CSMD1: variants seen among roughly 807,000 people sequenced by gnomAD.
CSMD1 encodes CUB and sushi domain-containing protein 1.
A neutral mutation model predicts 417.5 loss-of-function variants in CSMD1; 213 were observed. The ratio of observed to expected loss-of-function variants is 0.51; its 90% confidence interval spans 0.46 to 0.57. CSMD1 has a LOEUF of 0.57. CSMD1 is among the 20% of genes least tolerant of loss of function. CSMD1 has a pLI of 0.00. For synonymous variants in CSMD1, 2,862 were observed against 1,736.8 expected (o/e 1.65, Z -16.11); for missense variants, 6,923 against 4,529.7 (o/e 1.53, Z -15.17).
chr8:4,289,048 T>C (rs1198925557), intron 3 of CSMD1, among the ~76,000 whole-genome samples: 1 of 152,148 alleles, frequency 6.6e-6, no homozygotes, highest in Non-Finnish European at 1.5e-5. Context: ...ATAATGAGCA[T>C]AAAAACAGTG....
At chr8:3,715,364 G>A (rs932201694) in intron 6 of CSMD1, among the ~76,000 whole-genome samples, 1 of 152,110 alleles carries the variant, frequency 6.6e-6, no homozygotes, top group Non-Finnish European at 1.5e-5. Flanking sequence ...CCATTTCACA[G>A]TCTAAAACCT....
intron 3 of CSMD1, among the ~76,000 whole-genome samples, chr8:4,117,720 G>C (rs921650581): frequency 3.9e-5 from 6 of 152,110 alleles, no homozygotes; most frequent in African/African-American, 1.2e-4. Flanking sequence ...TCATCACATA[G>C]CTTTTAGAGA....
intron 1 of CSMD1, among the ~76,000 whole-genome samples, chr8:4,678,550 C>G (rs1339024143): frequency 6.6e-6 from 1 of 152,082 alleles, no homozygotes; most frequent in Non-Finnish European, 1.5e-5. Context: ...AATAATTCTG[C>G]TTTTTGATGG....
chr8:4,093,026 T>A (rs1045207267), intron 3 of CSMD1, among the ~76,000 whole-genome samples: 1 of 152,158 alleles, frequency 6.6e-6, no homozygotes, highest in African/African-American at 2.4e-5. Context: ...GCTGTGAACA[T>A]TTTTGTGACT....
At chr8:3,340,905 C>T (rs778437142) in intron 23 of CSMD1, among the ~76,000 whole-genome samples, 1 of 152,102 alleles carries the variant, frequency 6.6e-6, no homozygotes, top group Non-Finnish European at 1.5e-5. Flanking sequence ...GAAAATTACT[C>T]CTGTCAAATT....
chr8:4,090,385 C>T (rs890771602), intron 3 of CSMD1, among the ~76,000 whole-genome samples: 1 of 152,086 alleles, frequency 6.6e-6, no homozygotes, highest in African/African-American at 2.4e-5. Context: ...TCAGATTTTC[C>T]ACTCTTACTC....
intron 50 of CSMD1, among the ~76,000 whole-genome samples, chr8:3,048,358 G>A (rs1045215825): frequency 6.6e-6 from 1 of 152,122 alleles, no homozygotes; most frequent in African/African-American, 2.4e-5. Context: ...GAGGTAAGAA[G>A]ACATTATGTT....
chr8:4,178,089 C>T (rs1798152683), intron 3 of CSMD1, among the ~76,000 whole-genome samples: 1 of 152,162 alleles, frequency 6.6e-6, no homozygotes, highest in Admixed American at 6.5e-5. Context: ...ATGAGGCCAG[C>T]ATCATCCTGA....
intron 3 of CSMD1, among the ~76,000 whole-genome samples, chr8:4,095,950 T>G (rs1337808178): frequency 6.6e-6 from 1 of 152,184 alleles, no homozygotes. Flanking sequence ...AAAAGATTCA[T>G]GCCTAAAAGA....
At chr8:3,594,474 T>C (rs1563183004) in intron 8 of CSMD1, among the ~76,000 whole-genome samples, 1 of 152,192 alleles carries the variant, frequency 6.6e-6, no homozygotes, top group South Asian at 2.1e-4. Context: ...CAAAACCCTG[T>C]TGGTAACAAA....
intron 1 of CSMD1, among the ~76,000 whole-genome samples, chr8:4,825,407 T>C (rs1022372874): frequency 2.6e-5 from 4 of 152,136 alleles, no homozygotes; most frequent in South Asian, 2.1e-4. Flanking sequence ...AATGCAGTGA[T>C]GGTGACTCTA....
intron 26 of CSMD1, among the ~76,000 whole-genome samples, chr8:3,258,646 G>C (rs1800832464): frequency 6.6e-6 from 1 of 152,180 alleles, no homozygotes; most frequent in Non-Finnish European, 1.5e-5. Context: ...GCATGCATAT[G>C]TTCAGTGCAG....
rs907950287 is a variant in CSMD1 at position 4,529,923 on chromosome 8, TTGTC to T, written c.302+107415_302+107418del. 1.4e-4 allele frequency among the ~76,000 whole-genome samples: 21 copies of T among 151,926 alleles called. No homozygotes were observed. The South Asian group carries it at 2.9e-3, about 21-fold the overall frequency. ...TTTTTTTATTTTTATTTATTTTTGT[TTGTC>T]TGTTTGAGACCGAGTCTCGATTTGT... On this transcript the variant is annotated intron_variant, in intron 2 of 69. Coordinates refer to ENST00000635120, the MANE Select transcript of CSMD1 (RefSeq NM_033225.6).
chr8:4,616,775 C>G (rs1020035930), intron 2 of CSMD1, among the ~76,000 whole-genome samples: 1 of 152,128 alleles, frequency 6.6e-6, no homozygotes, highest in African/African-American at 2.4e-5. Flanking sequence ...CATGGCTACC[C>G]TTCCTTATTT....
intron 7 of CSMD1, among the ~76,000 whole-genome samples, chr8:3,688,981 C>A (rs2129031902): frequency 6.6e-6 from 1 of 152,226 alleles, no homozygotes; most frequent in Non-Finnish European, 1.5e-5. Context: ...AGGGTTACTT[C>A]ACTTTCGAGG....
At chr8:4,631,715 A>T (rs1397270507) in intron 2 of CSMD1, among the ~76,000 whole-genome samples, 1 of 152,354 alleles carries the variant, frequency 6.6e-6, no homozygotes, top group Non-Finnish European at 1.5e-5. Flanking sequence ...CTATTTTAAC[A>T]ACACTTATTC....
intron 7 of CSMD1, among the ~76,000 whole-genome samples, chr8:3,703,802 G>T (rs1801009454): frequency 6.6e-6 from 1 of 152,136 alleles, no homozygotes; most frequent in African/African-American, 2.4e-5. Flanking sequence ...TGGGCATGGT[G>T]GCTCATGACT....
chr8:3,541,259 C>G (rs1798426360), intron 10 of CSMD1, among the ~76,000 whole-genome samples: 2 of 152,120 alleles, frequency 1.3e-5, no homozygotes. Flanking sequence ...AGCCATTACC[C>G]TCAAAGTAAT....
chr8:3,572,887 T>C (rs1800001910), intron 10 of CSMD1, among the ~76,000 whole-genome samples: 1 of 152,218 alleles, frequency 6.6e-6, no homozygotes, highest in Admixed American at 6.5e-5. Flanking sequence ...TCAGAACTTT[T>C]CTAAATTCTC....
Sources: allele counts gnomAD v4.1 joint callset (sites outside exome capture counted in the v4.1 genomes callset), GRCh38; gene constraint gnomAD v4.1.1; transcripts MANE v1.5; gene names NCBI Gene and HGNC (gene_info 2026-07-23, HGNC 2026-07-21).